TM4SF20: variants seen among roughly 807,000 people sequenced by gnomAD.
TM4SF20 encodes the protein transmembrane 4 L6 family member 20.
TM4SF20 carries 13 observed loss-of-function variants against 15.1 expected under a neutral mutation model. That is an observed-to-expected ratio of 0.86 (90% CI 0.56 to 1.36). The LOEUF (loss-of-function observed/expected upper bound fraction) is 1.36. Among genes scored for constraint, TM4SF20 ranks in the 40% most tolerant of loss-of-function variants. The pLI, the probability that TM4SF20 is intolerant of heterozygous loss-of-function variation, is 0.00. For synonymous variants in TM4SF20, 92 were observed against 96.6 expected, an observed-to-expected ratio of 0.95 and a Z score of 0.28; for missense variants, 282 against 268.4, an observed-to-expected ratio of 1.05 and a Z score of -0.35.
chr2:227,371,264 TA>T (rs1390813324), intron 1 of TM4SF20, among the ~76,000 whole-genome samples: 1 of 152,238 alleles, frequency 6.6e-6, no homozygotes, highest in Non-Finnish European at 1.5e-5. Flanking sequence ...GGATTTTAAA[TA>T]GATTAGGATG....
upstream of TM4SF20, among the ~76,000 whole-genome samples, chr2:227,381,026 G>C (rs577791659): frequency 6.6e-6 from 1 of 152,282 alleles, no homozygotes; most frequent in East Asian, 1.9e-4. Context: ...TGTAATCCCA[G>C]CACTTTGGGA....
chr2:227,378,028 T>G (rs1259934015), intron 1 of TM4SF20, among the ~76,000 whole-genome samples: 1 of 151,986 alleles, frequency 6.6e-6, no homozygotes, highest in Non-Finnish European at 1.5e-5. Context: ...TTATTATCTC[T>G]AAAACACTGA....
chr2:227,369,411 T>C (rs1282274952), intron 2 of TM4SF20, among the ~76,000 whole-genome samples: 1 of 146,010 alleles, frequency 6.8e-6, no homozygotes, highest in Non-Finnish European at 1.5e-5. Context: ...TAGATAATTC[T>C]AATATCCCCA....
Position 227,363,986 on chromosome 2 carries a change from A to G in TM4SF20, c.428T>C (p.Leu143Ser). 6.2e-7 allele frequency: 1 copy of G among 1,613,026 alleles called. No individual in the cohort carries two copies. Among genetic ancestry groups the G allele is most frequent in the Non-Finnish European group, 8.5e-7 (1 of 1,179,502 alleles). ...ISDIHPESFN[L>S]QWFFNDSCAP... is the part of the protein sequence containing the mutation. ...ACAAGAGTCATTGAAAAACCACTGC[A>G]AGTTGAAGGATTCTGGATGAATGTC... The change falls in exon 4 of 4, where the codon TTG becomes TCG. Residue 143 changes from leucine to serine, a missense_variant. Leu to Ser is a moderately radical substitution (Grantham distance 145). Coordinates refer to ENST00000304568, the MANE Select transcript of TM4SF20 (RefSeq NM_024795.4).
chr2:227,377,523 G>A (rs1163221279), intron 1 of TM4SF20, among the ~76,000 whole-genome samples: 1 of 152,160 alleles, frequency 6.6e-6, no homozygotes, highest in Non-Finnish European at 1.5e-5. Flanking sequence ...GATGGTAAAG[G>A]AAGAGTGTTT....
chr2:227,375,247 C>A (rs2076442018), intron 1 of TM4SF20, among the ~76,000 whole-genome samples: 1 of 151,892 alleles, frequency 6.6e-6, no homozygotes, highest in Non-Finnish European at 1.5e-5. Flanking sequence ...TTAAGATAAG[C>A]TGGGCAATAG....
chr2:227,366,329 T>A (rs2076392778), intron 2 of TM4SF20, 85 bp from the exon 3 acceptor site: 1 of 1,222,568 alleles, frequency 8.2e-7, no homozygotes, highest in East Asian at 2.5e-5. Flanking sequence ...CAGTCTTTTT[T>A]AAATCCAGTC....
intron 2 of TM4SF20, among the ~76,000 whole-genome samples, chr2:227,370,063 C>T (rs767702447): frequency 3.9e-5 from 6 of 152,108 alleles, no homozygotes; most frequent in Non-Finnish European, 8.8e-5. Flanking sequence ...AGTGACACTC[C>T]GGTTAATGAA....
intron 3 of TM4SF20, among the ~76,000 whole-genome samples, chr2:227,365,145 A>G (rs903142229): frequency 6.6e-6 from 1 of 152,204 alleles, no homozygotes; most frequent in African/African-American, 2.4e-5. Flanking sequence ...TCCTGACCTC[A>G]AGCGATCCAC....
upstream of TM4SF20, among the ~76,000 whole-genome samples, chr2:227,380,765 G>A (rs1049373421): frequency 6.6e-6 from 1 of 152,144 alleles, no homozygotes; most frequent in Non-Finnish European, 1.5e-5. Flanking sequence ...TGTATGCAGC[G>A]GTGCAGTCAG....
chr2:227,379,480 G>T (rs2076469657), upstream of TM4SF20: 1 of 417,454 alleles, frequency 2.4e-6, no homozygotes, highest in Non-Finnish European at 4.2e-6. Context: ...AGGAAGGAAA[G>T]CAGAAAAAAA....
chr2:227,366,708 G>T (rs2076394877), intron 2 of TM4SF20, among the ~76,000 whole-genome samples: 1 of 83,204 alleles, frequency 1.2e-5, no homozygotes, highest in Non-Finnish European at 2.3e-5. Flanking sequence ...GACAGAGCAA[G>T]ACTCTGTCAA....
At chr2:227,368,613 AC>A (rs1367333621) in intron 2 of TM4SF20, among the ~76,000 whole-genome samples, 1 of 145,964 alleles carries the variant, frequency 6.9e-6, no homozygotes, top group Non-Finnish European at 1.5e-5. Context: ...TGATCCGCCC[AC>A]CTCAGCCTCC....
In TM4SF20 at chr2:227,362,664, G is replaced by A. The variant is rs1424638998; in HGVS notation, c.*1060C>T. 2 of 152,182 alleles carry A rather than the reference G, an allele frequency of 1.3e-5. No homozygotes were observed. The highest frequency in any genetic ancestry group is 1.5e-5 in the Non-Finnish European group (1 of 68,036). The allele number at this position is 152,182 out of a possible 1,614,324, so 9.4% of individuals were successfully genotyped here. A position where few individuals can be genotyped will look rare whatever the true frequency, so the allele number is the denominator to read the frequency against. On this transcript the variant is annotated 3_prime_UTR_variant, in exon 4 of 4. Coordinates refer to ENST00000304568, the MANE Select transcript of TM4SF20 (RefSeq NM_024795.4). ...TACCTTCAGGCCAGGTGTTCAAAGT[G>A]TGTATGAGACATAAATGAATTTTGT...
intron 1 of TM4SF20, among the ~76,000 whole-genome samples, chr2:227,373,878 G>A (rs150996641): frequency 0.03 from 4,274 of 144,562 alleles, 164 homozygotes; most frequent in African/African-American, 0.095. Context: ...GCAGTGAGCC[G>A]AGATCGCGCC....
In TM4SF20 at chr2:227,379,271, T is replaced by A; in HGVS notation, c.-3A>T. The A allele has an allele frequency of 6.2e-7, 1 of 1,613,580 alleles. No homozygotes were observed. The highest frequency in any genetic ancestry group is 1.1e-5 in the South Asian group (1 of 91,032). On this transcript the variant is annotated 5_prime_UTR_variant, in exon 1 of 4. Coordinates refer to ENST00000304568, the MANE Select transcript of TM4SF20 (RefSeq NM_024795.4). ...GTCCATCCTTCGCAGCAGGTCATGG[T>A]CACCCCTGGCTCAGAAACGTTGTCA...
intron 3 of TM4SF20, among the ~76,000 whole-genome samples, chr2:227,364,864 G>C (rs59752778): frequency 0.033 from 4,953 of 152,248 alleles, 294 homozygotes; most frequent in African/African-American, 0.11. Flanking sequence ...TAGCATCTGT[G>C]GTAGAAATCT....
chr2:227,372,773 C>T (rs550075267), intron 1 of TM4SF20, among the ~76,000 whole-genome samples: 10 of 152,236 alleles, frequency 6.6e-5, no homozygotes, highest in East Asian at 3.9e-4. Context: ...GGCATGATCA[C>T]GGTTCACTGC....
At chr2:227,369,586 G>A (rs578242748) in intron 2 of TM4SF20, among the ~76,000 whole-genome samples, 3 of 152,056 alleles carry the variant, frequency 2.0e-5, no homozygotes, top group Non-Finnish European at 2.9e-5. Flanking sequence ...GGGCCACCGT[G>A]CCCAGCTAAT....
Sources: gnomAD v4.1 joint callset for allele counts (sites outside exome capture counted in the v4.1 genomes callset) on GRCh38, gnomAD v4.1.1 for gene constraint, MANE v1.5 for transcripts, NCBI Gene and HGNC (gene_info 2026-07-23, HGNC 2026-07-21) for gene names.